CCDC6: variants seen among roughly 807,000 people sequenced by gnomAD.
CCDC6 encodes the protein coiled-coil domain containing 6.
Under a neutral mutation model 56.6 loss-of-function variants are expected in CCDC6, and 20 were observed. The observed-to-expected ratio is 0.35, with a 90% CI of 0.25 to 0.51. The LOEUF (loss-of-function observed/expected upper bound fraction) is 0.51, where lower values mean the gene tolerates loss of function less well. Ranked by LOEUF, CCDC6 falls within the 20% of genes least tolerant of loss-of-function variation. The pLI, the probability that CCDC6 is intolerant of heterozygous loss-of-function variation, is 0.95. For missense variants in CCDC6, 367 were observed against 601.1 expected, an observed-to-expected ratio of 0.61 and a Z score of 4.07; for synonymous variants, 241 against 234.4, an observed-to-expected ratio of 1.03 and a Z score of -0.26.
chr10:59,846,539 G>A (rs546182972), intron 2 of CCDC6, among the ~76,000 whole-genome samples: 8 of 151,978 alleles, frequency 5.3e-5, no homozygotes, highest in Non-Finnish European at 7.4e-5. Context: ...AAAATAAGCC[G>A]TATCATCTTA....
chr10:59,889,157 CTG>C (rs1564758471), intron 1 of CCDC6, among the ~76,000 whole-genome samples: 1 of 152,164 alleles, frequency 6.6e-6, no homozygotes, highest in Non-Finnish European at 1.5e-5. Context: ...GGTACATGCT[CTG>C]TGTCAGAAGC....
At chr10:59,832,781 G>C in intron 2 of CCDC6, 128 bp from the exon 3 acceptor site, 3 of 913,142 alleles carry the variant, frequency 3.3e-6, no homozygotes, top group Non-Finnish European at 4.9e-6. Context: ...TTGCTCAAAT[G>C]TGCAAGTATA....
At chr10:59,826,166 C>T (rs373029062) in intron 3 of CCDC6, among the ~76,000 whole-genome samples, 1 of 152,144 alleles carries the variant, frequency 6.6e-6, no homozygotes, top group Non-Finnish European at 1.5e-5. Context: ...TAAAGACAAG[C>T]CTAAACCCTC....
chr10:59,847,682 T>C (rs1000535547), intron 2 of CCDC6, among the ~76,000 whole-genome samples: 6 of 152,158 alleles, frequency 3.9e-5, no homozygotes, highest in African/African-American at 1.4e-4. Context: ...AGAAATAAGA[T>C]GTTTTCTAGT....
chr10:59,804,472 G>C lies in CCDC6; in HGVS notation c.1053C>G (p.Ser351=). ...GAGAAGGTGTGTAAGGGATCGGGCTGGACACAGTGCGAGGTCTTAATCCTT... is the reference window on the plus strand; with the variant it reads ...GAGAAGGTGTGTAAGGGATCGGGCTCGACACAGTGCGAGGTCTTAATCCTT... ...SAQGLRPRTV[S]SPIPYTPSPS... The change falls in exon 7 of 9, where the codon TCC becomes TCG. Residue 351 remains serine (S), a synonymous_variant. Transcript: ENST00000263102. 6.2e-7 allele frequency: 1 copy of C among 1,613,204 alleles called. No homozygotes were observed. The highest frequency in any genetic ancestry group is 1.7e-4 in the Middle Eastern group (1 of 6,060).
At chr10:59,807,193 T>A in intron 5 of CCDC6, 115 bp from the exon 6 acceptor site, 4 of 908,816 alleles carry the variant, frequency 4.4e-6, no homozygotes, top group Non-Finnish European at 6.6e-6. Context: ...TGTTACAAGA[T>A]GGTCTTTCTG....
Position 59,794,514 on chromosome 10 carries a change from C to A in CCDC6, c.1189G>T (p.Gly397Cys). The stretch of plus-strand genomic sequence containing the variant: ...GTTCCCATGTGCTGCACGTGAAGAC[C>A]CGGGGAATTGTAATAAGACATTCCA... ...RAGMSYYNSP[G>C]LHVQHMGTSH... is the part of the protein sequence containing the mutation. Residue 397 changes from glycine (G) to cysteine (C), a missense_variant, in exon 8 of 9, where the codon GGT becomes TGT. Transcript: ENST00000263102. The A allele has an allele frequency of 1.2e-6, 2 of 1,614,082 alleles. No individual in the cohort carries two copies. Among genetic ancestry groups the A allele is most frequent in the South Asian group, 1.1e-5 (1 of 91,066 alleles).
chr10:59,811,242 T>C (rs1324506935), intron 5 of CCDC6, among the ~76,000 whole-genome samples: 2 of 152,214 alleles, frequency 1.3e-5, no homozygotes, highest in Non-Finnish European at 2.9e-5. Context: ...CCAAGGATGA[T>C]ACTGATACAC....
At chr10:59,881,265 G>A (rs527708672) in intron 1 of CCDC6, among the ~76,000 whole-genome samples, 1 of 152,242 alleles carries the variant, frequency 6.6e-6, no homozygotes, top group East Asian at 1.9e-4. Context: ...AGAATGAGAG[G>A]TCCAGGGCAA....
intron 1 of CCDC6, among the ~76,000 whole-genome samples, chr10:59,858,065 C>T (rs1325792278): frequency 1.3e-5 from 2 of 152,158 alleles, no homozygotes; most frequent in African/African-American, 4.8e-5. Flanking sequence ...TTGGTCACAG[C>T]AATGGGTTTA....
intron 3 of CCDC6, among the ~76,000 whole-genome samples, chr10:59,827,163 G>A (rs1378618711): frequency 1.3e-5 from 2 of 152,196 alleles, no homozygotes; most frequent in South Asian, 2.1e-4. Flanking sequence ...GATCCATGAA[G>A]ATCTGGAGGC....
chr10:59,842,045 C>T (rs530874908), intron 2 of CCDC6, among the ~76,000 whole-genome samples: 1 of 151,332 alleles, frequency 6.6e-6, no homozygotes, highest in Non-Finnish European at 1.5e-5. Flanking sequence ...TTTTTGTAAA[C>T]ACTTTATTTA....
chr10:59,892,075 T>C (rs2071426133), intron 1 of CCDC6, among the ~76,000 whole-genome samples: 1 of 152,182 alleles, frequency 6.6e-6, no homozygotes, highest in African/African-American at 2.4e-5. Flanking sequence ...ATTTCAAAGA[T>C]TCATGTTTTG....
At chr10:59,905,717 C>T (rs1564762236) in intron 1 of CCDC6, among the ~76,000 whole-genome samples, 1 of 152,182 alleles carries the variant, frequency 6.6e-6, no homozygotes, top group East Asian at 1.9e-4. Flanking sequence ...GAGATCCCAG[C>T]TTCCTCCCTC....
chr10:59,837,746 CAAAAAAAAAAAAAAA>C (rs397940135), intron 2 of CCDC6, among the ~76,000 whole-genome samples: 1 of 49,734 alleles, frequency 2.0e-5, no homozygotes, highest in Non-Finnish European at 4.0e-5. Flanking sequence ...GACTCTGTCT[CAAAAAAAAAAAAAAA>C]AAAAAAAAAG....
At chr10:59,905,166 G>A (rs1361638459) in intron 1 of CCDC6, among the ~76,000 whole-genome samples, 1 of 152,144 alleles carries the variant, frequency 6.6e-6, no homozygotes, top group East Asian at 1.9e-4. Context: ...ATAGGTGAGA[G>A]TACACAGTGT....
intron 1 of CCDC6, among the ~76,000 whole-genome samples, chr10:59,900,057 T>C (rs1375789898): frequency 2.0e-5 from 3 of 152,182 alleles, no homozygotes; most frequent in South Asian, 2.1e-4. Flanking sequence ...TACATACCCG[T>C]GCCTCTGGAG....
intron 1 of CCDC6, among the ~76,000 whole-genome samples, chr10:59,863,519 G>C (rs951130865): frequency 5.9e-5 from 9 of 152,116 alleles, no homozygotes; most frequent in African/African-American, 1.9e-4. Flanking sequence ...TATTTATAAA[G>C]ACAGAAAGAT....
At position 59,789,832 on chromosome 10, in the gene CCDC6, T is replaced by G. The variant is rs550516175; in HGVS notation, c.*3085A>C. 9 of 218,944 alleles carry G rather than the reference T, an allele frequency of 4.1e-5. No individual in the cohort carries two copies. The highest frequency in any genetic ancestry group is 4.1e-4 in the East Asian group (6 of 14,734). The allele number at this position is 218,944 out of a possible 1,614,324, so 13.6% of individuals were successfully genotyped here. On this transcript the variant is annotated 3_prime_UTR_variant, in exon 9 of 9. Coordinates refer to ENST00000263102, the MANE Select transcript of CCDC6 (RefSeq NM_005436.5). ...TTCATGTCTACCTAACAAAGGGTGA[T>G]ACATGTTCTATTTTCCTACAAGTGA...
Sources: gnomAD v4.1 joint callset for allele counts (sites outside exome capture counted in the v4.1 genomes callset) on GRCh38, gnomAD v4.1.1 for gene constraint, MANE v1.5 for transcripts, NCBI Gene and HGNC (gene_info 2026-07-23, HGNC 2026-07-21) for gene names.